CELF2: variants seen among roughly 807,000 people sequenced by gnomAD.
The protein encoded by CELF2 is CUGBP Elav-like family member 2.
CELF2 carries 8 observed loss-of-function variants against 62.6 expected under a neutral mutation model. The observed-to-expected ratio is 0.13, with a 90% CI of 0.07 to 0.23. The LOEUF is 0.23. Ranked by LOEUF, CELF2 falls within the 10% of genes least tolerant of loss-of-function variation. The pLI is 1.00. For synonymous variants in CELF2, 258 were observed against 250.0 expected, an observed-to-expected ratio of 1.03 and a Z score of -0.30; for missense variants, 333 against 671.0, an observed-to-expected ratio of 0.50 and a Z score of 5.56.
At chr10:10,906,261 T>C (rs1212523522) in intron 1 of CELF2, among the ~76,000 whole-genome samples, 2 of 152,144 alleles carry the variant, frequency 1.3e-5, no homozygotes, top group African/African-American at 2.4e-5. Context: ...TCTTCTATCT[T>C]CAAAGTCATT....
chr10:10,578,183 C>A, the CELF2 span, among the ~76,000 whole-genome samples: 1 of 152,108 alleles, frequency 6.6e-6, no homozygotes, highest in Non-Finnish European at 1.5e-5. Flanking sequence ...CTGTTCATAT[C>A]CTTCACCCAC....
At chr10:11,021,643 G>A (rs2058338099) in intron 1 of CELF2, among the ~76,000 whole-genome samples, 1 of 152,178 alleles carries the variant, frequency 6.6e-6, no homozygotes, top group Non-Finnish European at 1.5e-5. Context: ...TCTGCAGGGT[G>A]GATATTGCCC....
At chr10:10,913,545 T>C (rs1220090318) in intron 1 of CELF2, among the ~76,000 whole-genome samples, 1 of 134,768 alleles carries the variant, frequency 7.4e-6, no homozygotes, top group Non-Finnish European at 1.5e-5. Flanking sequence ...CATGTGCCAC[T>C]ACGCCCAGCT....
chr10:10,954,828 T>C (rs751337162), intron 2 of CELF2, among the ~76,000 whole-genome samples: 7 of 152,238 alleles, frequency 4.6e-5, no homozygotes, highest in Non-Finnish European at 1.0e-4. Context: ...AGACATATGA[T>C]TGAGTTTTTT....
At chr10:10,581,097 C>T in the CELF2 span, among the ~76,000 whole-genome samples, 3 of 152,110 alleles carry the variant, frequency 2.0e-5, no homozygotes, top group African/African-American at 2.4e-5. Context: ...TTTGGAATCT[C>T]CTGAAAAGGA....
At chr10:11,019,653 G>A (rs2057986179) in intron 1 of CELF2, among the ~76,000 whole-genome samples, 1 of 152,144 alleles carries the variant, frequency 6.6e-6, no homozygotes, top group South Asian at 2.1e-4. Context: ...ATTGTCTTTT[G>A]AGTCAATATT....
chr10:10,517,935 G>A, the CELF2 span, among the ~76,000 whole-genome samples: 2 of 152,118 alleles, frequency 1.3e-5, no homozygotes, highest in South Asian at 4.1e-4. Context: ...CCACACCTGG[G>A]GCTTGCCAGT....
chr10:10,551,485 G>A, the CELF2 span, among the ~76,000 whole-genome samples: 2 of 152,080 alleles, frequency 1.3e-5, no homozygotes, highest in Non-Finnish European at 2.9e-5. Context: ...AAACTAAGCA[G>A]AGCTGGACCC....
chr10:11,324,213 C>T lies in CELF2; in HGVS notation c.1295-1623C>T, dbSNP rs933293538. On this transcript the variant is annotated intron_variant, in intron 11 of 12. Coordinates refer to ENST00000633077, the MANE Select transcript of CELF2 (RefSeq NM_001326342.2). The surrounding 1 kb of genome is among the most constrained non-coding windows in gnomAD (Gnocchi z 4.7). ...GTGCATTGAAACTGTATTTTCTCCCCGGCTTCAGGAGGTGAGATGTACTTC... is the reference window on the plus strand; with the variant it reads ...GTGCATTGAAACTGTATTTTCTCCCTGGCTTCAGGAGGTGAGATGTACTTC... 3.3e-5 allele frequency among the ~76,000 whole-genome samples: 5 copies of T among 152,154 alleles called. No homozygotes were observed. Among genetic ancestry groups the T allele is most frequent in the Non-Finnish European group, 5.9e-5 (4 of 68,032 alleles).
the CELF2 span, among the ~76,000 whole-genome samples, chr10:10,774,818 A>T: frequency 6.6e-6 from 1 of 152,000 alleles, no homozygotes; most frequent in Non-Finnish European, 1.5e-5. Context: ...TTTCTCTAAG[A>T]ATGCCCAGGG....
the CELF2 span, among the ~76,000 whole-genome samples, chr10:10,751,698 T>C: frequency 6.6e-6 from 1 of 152,190 alleles, no homozygotes; most frequent in Non-Finnish European, 1.5e-5. Flanking sequence ...AAAGATTAAG[T>C]TGATAGTAGA....
the CELF2 span, among the ~76,000 whole-genome samples, chr10:10,707,921 C>T: frequency 3.3e-5 from 5 of 151,872 alleles, no homozygotes; most frequent in South Asian, 1.0e-3. Flanking sequence ...GAAATACAAG[C>T]AGAAAAAGAG....
At chr10:10,974,982 C>T (rs1322127001) in intron 2 of CELF2, among the ~76,000 whole-genome samples, 1 of 152,190 alleles carries the variant, frequency 6.6e-6, no homozygotes, top group African/African-American at 2.4e-5. Flanking sequence ...TTGTAATCAA[C>T]AGTAGATAAA....
At chr10:10,758,646 A>T in the CELF2 span, among the ~76,000 whole-genome samples, 1 of 152,216 alleles carries the variant, frequency 6.6e-6, no homozygotes, top group African/African-American at 2.4e-5. Context: ...TAAATGTACT[A>T]AATCAGTTGG....
the CELF2 span, among the ~76,000 whole-genome samples, chr10:10,737,428 C>T: frequency 7.9e-5 from 12 of 152,124 alleles, 1 homozygote; most frequent in Admixed American, 3.3e-4. Context: ...CTTATGTTCT[C>T]CTTATCTTGG....
chr10:10,890,790 G>A (rs574854233), intron 1 of CELF2, among the ~76,000 whole-genome samples: 9 of 152,350 alleles, frequency 5.9e-5, no homozygotes, highest in South Asian at 2.1e-4. Context: ...CAAAGCGGGC[G>A]GATCGCCTGA....
In CELF2 at chr10:10,874,042, G is replaced by A. The variant is rs576655405; in HGVS notation, c.54-45922G>A. On this transcript the variant is annotated intron_variant, in intron 1 of 13. Coordinates refer to the CELF2 transcript ENST00000636488. The stretch of plus-strand genomic sequence containing the variant: ...TAAAATGATTCTGGCCAGGTACAGC[G>A]GCTCATGCCTATAATCCCAGCACTT... Among the ~76,000 whole-genome samples, 285 of 152,278 alleles carry A rather than the reference G, an allele frequency of 1.9e-3. 2 individuals are homozygous for A. The highest frequency in any genetic ancestry group is 0.013 in the South Asian group (61 of 4,820).
At chr10:10,635,032 G>T in the CELF2 span, among the ~76,000 whole-genome samples, 1 of 152,050 alleles carries the variant, frequency 6.6e-6, no homozygotes, top group Non-Finnish European at 1.5e-5. Flanking sequence ...ATGGACAAAG[G>T]GTGGCAAACC....
the CELF2 span, among the ~76,000 whole-genome samples, chr10:10,601,300 G>A: frequency 6.6e-6 from 1 of 152,218 alleles, no homozygotes; most frequent in East Asian, 1.9e-4. Context: ...TAAAGTCATT[G>A]TTGCAGTGGC....
Sources: allele counts gnomAD v4.1 joint callset (sites outside exome capture counted in the v4.1 genomes callset), GRCh38; gene constraint gnomAD v4.1.1; non-coding constraint Gnocchi (gnomAD v3.1); transcripts MANE v1.5; gene names NCBI Gene and HGNC (gene_info 2026-07-23, HGNC 2026-07-21).